PFKM: variants seen among roughly 807,000 people sequenced by gnomAD.
The protein encoded by PFKM is phosphofructokinase, muscle, also known as ATP-dependent 6-phosphofructokinase, muscle type.
Under a neutral mutation model 95.5 loss-of-function variants are expected in PFKM, and 58 were observed. That is an observed-to-expected ratio of 0.61 (90% CI 0.49 to 0.76). The LOEUF is 0.76. Among genes scored for constraint, PFKM ranks in the 30% least tolerant of loss-of-function variants. The pLI, the probability that PFKM is intolerant of heterozygous loss-of-function variation, is 0.00. For missense variants in PFKM, 678 were observed against 1,005.4 expected, an observed-to-expected ratio of 0.67 and a Z score of 4.40; for synonymous variants, 336 against 357.2, an observed-to-expected ratio of 0.94 and a Z score of 0.67.
At position 48,106,833 on chromosome 12, in the gene PFKM, C is replaced by A. The variant is rs560609510; in HGVS notation, c.-9-532C>A. Among the ~76,000 whole-genome samples the A allele has an allele frequency of 2.3e-4, 35 of 152,304 alleles. No homozygotes were observed. The East Asian group carries it at 6.7e-3, about 29-fold the overall frequency. ...TGTGAGGAAAGCTTTTGGGAGCCCA[C>A]TAGAGATCTGCTTTTCTGGGTAGAG... is the stretch of plus-strand genomic sequence containing the variant. On this transcript the variant is annotated intron_variant, in intron 1 of 24. Coordinates refer to the PFKM transcript ENST00000340802.
chr12:48,133,100 C>T (rs1191467953), intron 5 of PFKM, 43 bp downstream of exon 5: 5 of 1,551,160 alleles, frequency 3.2e-6, no homozygotes, highest in African/African-American at 2.7e-5. Context: ...TGTGTCGGTA[C>T]GTGCACGCGT....
In PFKM at chr12:48,145,150, G is replaced by C. The variant is rs377009499; in HGVS notation, c.2092+20G>C. The C allele has an allele frequency of 1.2e-6, 2 of 1,610,460 alleles. No homozygotes were observed. Among genetic ancestry groups the C allele is most frequent in the South Asian group, 1.1e-5 (1 of 91,020 alleles). On this transcript the variant is annotated intron_variant, in intron 21 of 22. Coordinates refer to ENST00000359794, the MANE Select transcript of PFKM (RefSeq NM_000289.6). This position sits in a 1 kb window ranked among gnomAD's most constrained non-coding sequence, Gnocchi z 4.3. ...GTAATGGTAGGTGGGGTGAGAGCGAGTGCCCTCTATAGAGGCTGGTTCCCC... is the reference window on the plus strand; with the variant it reads ...GTAATGGTAGGTGGGGTGAGAGCGACTGCCCTCTATAGAGGCTGGTTCCCC...
intron 17 of PFKM, among the ~76,000 whole-genome samples, chr12:48,142,536 G>A (rs1364274507): frequency 2.0e-5 from 3 of 151,312 alleles, no homozygotes; most frequent in African/African-American, 7.3e-5. Context: ...TTCTTTCTGA[G>A]ATCATGCAGT....
intron 14 of PFKM, 53 bp downstream of exon 14, chr12:48,140,924 C>T (rs1022371314): frequency 6.3e-7 from 1 of 1,579,148 alleles, no homozygotes; most frequent in African/African-American, 1.3e-5. Flanking sequence ...ATAAGTGTAG[C>T]AAGAATGACC....
chr12:48,119,547 AG>A, intron 1 of PFKM, 141 bp downstream of exon 1: 1 of 346,158 alleles, frequency 2.9e-6, no homozygotes, highest in Non-Finnish European at 4.0e-6. Context: ...TGGAGCCGAG[AG>A]GGGGATGGGC....
At chr12:48,113,067 C>T (rs1384245012) in intron 3 of PFKM, among the ~76,000 whole-genome samples, 1 of 152,082 alleles carries the variant, frequency 6.6e-6, no homozygotes, top group African/African-American at 2.4e-5. Flanking sequence ...AGCCCAGGAA[C>T]AGTCAGGGAA....
intron 1 of PFKM, among the ~76,000 whole-genome samples, chr12:48,120,652 A>G (rs1948160585): frequency 6.6e-6 from 1 of 152,250 alleles, no homozygotes; most frequent in African/African-American, 2.4e-5. Context: ...TGAATGAACG[A>G]AGGTAGTGCA....
At chr12:48,134,361 A>G (rs1000378249) in intron 7 of PFKM, 85 bp downstream of exon 7, 78 of 1,130,856 alleles carry the variant, frequency 6.9e-5, no homozygotes, top group South Asian at 2.5e-4. Context: ...GAGGTCTCTC[A>G]GTAGCAGCAG....
intron 7 of PFKM, among the ~76,000 whole-genome samples, 186 bp downstream of exon 7, chr12:48,134,462 C>T (rs532072303): frequency 1.6e-4 from 24 of 152,358 alleles, no homozygotes; most frequent in African/African-American, 5.5e-4. Flanking sequence ...TGTGTACGTG[C>T]TCAGGCACGT....
rs574109206 is a variant in PFKM at position 48,145,001 on chromosome 12, C to G, written c.1993-30C>G. The G allele has an allele frequency of 3.4e-6, 5 of 1,456,564 alleles. No homozygotes were observed. In the African/African-American group the frequency reaches 6.9e-5, roughly 20 times the overall value. 90.2% of individuals were successfully genotyped at this position (1,456,564 alleles called of 1,614,324 possible). A position where few individuals can be genotyped will look rare whatever the true frequency, so the allele number is the denominator to read the frequency against. On this transcript the variant is annotated intron_variant, in intron 20 of 22. Transcript: ENST00000359794. The surrounding 1 kb of genome is among the most constrained non-coding windows in gnomAD (Gnocchi z 4.3). Reference sequence around the variant, plus strand: ...CTCTGCCACTTCATTAGAGTCCTTCCCTCTGTAATTTTTATGTTTCTTTCT... The same window carrying G: ...CTCTGCCACTTCATTAGAGTCCTTCGCTCTGTAATTTTTATGTTTCTTTCT...
chr12:48,114,312 C>T (rs568597139), intron 3 of PFKM, among the ~76,000 whole-genome samples: 7 of 152,296 alleles, frequency 4.6e-5, no homozygotes, highest in Admixed American at 2.6e-4. Flanking sequence ...AGAGCCTAAA[C>T]GCTGGCTGAT....
intron 2 of PFKM, among the ~76,000 whole-genome samples, chr12:48,126,700 C>T (rs1014202426): frequency 6.6e-6 from 1 of 152,214 alleles, no homozygotes; most frequent in African/African-American, 2.4e-5. Flanking sequence ...CCAACCTATA[C>T]ATTTCAGAAC....
chr12:48,126,095 C>T (rs1283314872), intron 2 of PFKM, among the ~76,000 whole-genome samples: 2 of 152,148 alleles, frequency 1.3e-5, no homozygotes, highest in Admixed American at 1.3e-4. Flanking sequence ...TTCTCCAGAA[C>T]CCCTCCTGAC....
intron 1 of PFKM, chr12:48,107,240 T>G (rs952553462): frequency 2.0e-5 from 13 of 666,562 alleles, no homozygotes; most frequent in Non-Finnish European, 2.4e-5. Flanking sequence ...CATGTGCTGA[T>G]ACTTTTATAT....
chr12:48,118,135 G>A (rs1267440846), upstream of PFKM, among the ~76,000 whole-genome samples: 2 of 152,186 alleles, frequency 1.3e-5, no homozygotes, highest in African/African-American at 4.8e-5. Flanking sequence ...CCAAAAGGGA[G>A]GAGCATATAA....
At chr12:48,137,532 A>C in intron 10 of PFKM, 189 bp from the exon 11 acceptor site, 1 of 654,584 alleles carries the variant, frequency 1.5e-6, no homozygotes, top group South Asian at 1.8e-5. Flanking sequence ...GATGGCAAGA[A>C]TACAGAGTCA....
At position 48,134,280 on chromosome 12, in the gene PFKM, A is replaced by G. The variant is rs1949837480; in HGVS notation, c.638+4A>G. 2 of 1,612,820 alleles carry G rather than the reference A, an allele frequency of 1.2e-6. No individual in the cohort carries two copies. Among genetic ancestry groups the G allele is most frequent in the African/African-American group, 1.3e-5 (1 of 74,904 alleles). On this transcript the variant is annotated splice_donor_region_variant and intron_variant, in intron 7 of 22. Transcript: ENST00000359794. The stretch of plus-strand genomic sequence containing the variant: ...AAGTAATGGGCCGCCACTGTGGGTA[A>G]GATCCTCATTCTGACCCATTTATTC...
At chr12:48,133,532 C>A (rs757038389) in intron 6 of PFKM, 52 bp downstream of exon 6, 3 of 1,515,552 alleles carry the variant, frequency 2.0e-6, no homozygotes, top group Non-Finnish European at 1.8e-6. Flanking sequence ...CTAGGACAGG[C>A]TAAAGGGCTA....
intron 2 of PFKM, among the ~76,000 whole-genome samples, chr12:48,126,598 G>C (rs1241662715): frequency 6.6e-6 from 1 of 152,156 alleles, no homozygotes; most frequent in Admixed American, 6.5e-5. Context: ...GGAGTCACTT[G>C]TCTCTCTTAA....
Sources: allele counts gnomAD v4.1 joint callset (sites outside exome capture counted in the v4.1 genomes callset), GRCh38; gene constraint gnomAD v4.1.1; non-coding constraint Gnocchi (gnomAD v3.1); transcripts MANE v1.5; gene names NCBI Gene and HGNC (gene_info 2026-07-23, HGNC 2026-07-21).